Variants in MSN observed in about 807,000 individuals in gnomAD.
MSN encodes the protein moesin, also known as epididymis luminal protein 70.
MSN carries 2 observed loss-of-function variants against 48.0 expected under a neutral mutation model. That is an observed-to-expected ratio of 0.04 (90% confidence interval 0.02 to 0.13). The LOEUF (loss-of-function observed/expected upper bound fraction) is 0.13. Ranked by LOEUF, MSN falls within the 10% of genes least tolerant of loss-of-function variation. The pLI, the probability that MSN is intolerant of heterozygous loss-of-function variation, is 1.00. For missense variants in MSN, 267 were observed against 470.1 expected, an observed-to-expected ratio of 0.57 and a Z score of 3.99; for synonymous variants, 146 against 166.9, an observed-to-expected ratio of 0.87 and a Z score of 0.97.
intron 1 of MSN, among the ~76,000 whole-genome samples, chrX:65,656,524 G>C (rs1466602487): frequency 9.0e-6 from 1 of 111,393 alleles, no homozygotes; most frequent in Non-Finnish European, 1.9e-5. Flanking sequence ...TGAGCTCCAA[G>C]GTTATGCCTA....
At chrX:65,680,860 T>G (rs2071048084) in intron 1 of MSN, among the ~76,000 whole-genome samples, 1 of 111,302 alleles carries the variant, frequency 9.0e-6, no homozygotes, top group Non-Finnish European at 1.9e-5. Context: ...GCGATTCTTG[T>G]GCCTCAGCCT....
upstream of MSN, among the ~76,000 whole-genome samples, chrX:65,664,391 A>C (rs1271062385): frequency 2.7e-5 from 3 of 112,029 alleles, no homozygotes; most frequent in Non-Finnish European, 5.6e-5. Flanking sequence ...TGAGTGCAAT[A>C]TATCTATGTA....
At chrX:65,724,830 G>A (rs2071552517) in intron 2 of MSN, among the ~76,000 whole-genome samples, 1 of 110,269 alleles carries the variant, frequency 9.1e-6, no homozygotes, top group Non-Finnish European at 1.9e-5. Flanking sequence ...GGGACTATAG[G>A]CACGCACCAC....
intron 1 of MSN, among the ~76,000 whole-genome samples, chrX:65,670,842 C>A (rs2070925951): frequency 1.2e-5 from 1 of 86,026 alleles, no homozygotes; most frequent in Non-Finnish European, 2.2e-5. Flanking sequence ...GCTTTAGTAG[C>A]CAGAATGGAA....
intron 1 of MSN, among the ~76,000 whole-genome samples, chrX:65,637,050 A>G (rs1470304585): frequency 9.4e-6 from 1 of 106,755 alleles, no homozygotes; most frequent in Admixed American, 1.0e-4. Flanking sequence ...AGATCATGCC[A>G]CTGCTCTCCA....
intron 1 of MSN, among the ~76,000 whole-genome samples, chrX:65,605,758 C>T (rs2070273387): frequency 9.0e-6 from 1 of 111,331 alleles, no homozygotes; most frequent in African/African-American, 3.3e-5. Context: ...CCATCACCAC[C>T]TCCTCTCCTT....
chrX:65,685,936 A>T (rs1347117155), intron 1 of MSN, among the ~76,000 whole-genome samples: 1 of 111,772 alleles, frequency 8.9e-6, no homozygotes, highest in Non-Finnish European at 1.9e-5. Flanking sequence ...TGGCTTAAAA[A>T]CAAACAAACA....
intron 10 of MSN, 136 bp from the exon 11 acceptor site, chrX:65,738,388 TG>T: frequency 2.1e-6 from 1 of 472,592 alleles, no homozygotes; most frequent in Non-Finnish European, 3.6e-6. Flanking sequence ...TGAAGTAGTC[TG>T]GTAAAAGAGT....
intron 1 of MSN, among the ~76,000 whole-genome samples, chrX:65,708,402 C>G (rs2071382833): frequency 9.1e-6 from 1 of 110,210 alleles, no homozygotes; most frequent in Non-Finnish European, 1.9e-5. Flanking sequence ...AAGCGATTCT[C>G]CTGCTTCAGC....
intron 1 of MSN, among the ~76,000 whole-genome samples, chrX:65,630,344 C>T (rs1169627896): frequency 9.0e-6 from 1 of 111,415 alleles, no homozygotes; most frequent in Non-Finnish European, 1.9e-5. Flanking sequence ...GAGGCTGAAG[C>T]AGGATTACTT....
intron 1 of MSN, among the ~76,000 whole-genome samples, chrX:65,694,892 G>T (rs1451488374): frequency 8.9e-6 from 1 of 111,905 alleles, no homozygotes; most frequent in Non-Finnish European, 1.9e-5. Flanking sequence ...ATGGTTATGG[G>T]GTGTGAAGAA....
At chrX:65,729,261 G>A (rs769371178) in intron 3 of MSN, among the ~76,000 whole-genome samples, 177 bp from the exon 4 acceptor site, 2 of 111,567 alleles carry the variant, frequency 1.8e-5, no homozygotes, top group South Asian at 7.6e-4. Context: ...TACAGACATG[G>A]GATTCAGTCC....
chrX:65,602,451 A>G (rs932793481), intron 1 of MSN, among the ~76,000 whole-genome samples: 1 of 110,864 alleles, frequency 9.0e-6, no homozygotes, highest in Non-Finnish European at 1.9e-5. Context: ...CTTCATAATT[A>G]TATTGAAGTG....
At chrX:65,662,738 T>C (rs1356442325), upstream of MSN, among the ~76,000 whole-genome samples, 2 of 112,370 alleles carry the variant, frequency 1.8e-5, no homozygotes, top group African/African-American at 6.5e-5. Flanking sequence ...TGAAAAATTT[T>C]TGTCTACGTC....
At chrX:65,727,986 T>C in intron 3 of MSN, 77 bp downstream of exon 3, 1 of 945,331 alleles carries the variant, frequency 1.1e-6, no homozygotes, top group Admixed American at 2.5e-5. Context: ...CATGTGCTAG[T>C]TGGCAAATCC....
At chrX:65,612,871 G>C (rs1280609066) in intron 1 of MSN, among the ~76,000 whole-genome samples, 1 of 108,366 alleles carries the variant, frequency 9.2e-6, no homozygotes, top group African/African-American at 3.4e-5. Flanking sequence ...TTTTTGGGGG[G>C]GGGTACGATA....
intron 1 of MSN, among the ~76,000 whole-genome samples, chrX:65,634,845 T>C (rs916034084): frequency 9.0e-6 from 1 of 111,282 alleles, no homozygotes; most frequent in Admixed American, 9.5e-5. Flanking sequence ...TCACTGCTGC[T>C]TGGGCTCACG....
At chrX:65,718,243 ACT>A (rs778945745) in intron 2 of MSN, among the ~76,000 whole-genome samples, 28 of 109,588 alleles carry the variant, frequency 2.6e-4, no homozygotes, top group Non-Finnish European at 9.6e-5. Flanking sequence ...AAATTATTGA[ACT>A]CTCTGGGTTG....
chrX:65,611,206 C>A (rs1165255999), intron 1 of MSN, among the ~76,000 whole-genome samples: 6 of 104,124 alleles, frequency 5.8e-5, no homozygotes, highest in African/African-American at 2.2e-4. Flanking sequence ...CTCATCCAGG[C>A]TGGCGTGCAG....
Sources: gnomAD v4.1 joint callset for allele counts (sites outside exome capture counted in the v4.1 genomes callset) on GRCh38, gnomAD v4.1.1 for gene constraint, MANE v1.5 for transcripts, NCBI Gene and HGNC (gene_info 2026-07-23, HGNC 2026-07-21) for gene names.